Variants in AUTS2 observed in about 807,000 individuals in gnomAD.
The protein encoded by AUTS2 is autism susceptibility gene 2 protein.
A neutral mutation model predicts 112.4 loss-of-function variants in AUTS2; 17 were observed. That is an observed-to-expected ratio of 0.15 (90% CI 0.10 to 0.23). The LOEUF (loss-of-function observed/expected upper bound fraction) is 0.23, where lower values mean the gene tolerates loss of function less well. AUTS2 is among the 10% of genes least tolerant of loss of function. The probability of loss-of-function intolerance (pLI) is 1.00; values close to 1 mark genes in which losing one functional copy is unlikely to be tolerated. For missense variants in AUTS2, 1,510 were observed against 1,701.6 expected (o/e 0.89, Z 1.98); for synonymous variants, 751 against 702.7 (o/e 1.07, Z -1.09).
chr7:70,554,869 T>C (rs543654133), intron 5 of AUTS2, among the ~76,000 whole-genome samples: 51 of 152,332 alleles, frequency 3.3e-4, no homozygotes, highest in African/African-American at 1.2e-3. Flanking sequence ...CATTGGACGG[T>C]TGGCCTCCTG....
intron 1 of AUTS2, among the ~76,000 whole-genome samples, chr7:69,630,403 T>C (rs1051154023): frequency 2.0e-5 from 3 of 152,234 alleles, no homozygotes; most frequent in African/African-American, 7.2e-5. Flanking sequence ...AGTGTAGCTG[T>C]GCTTCTAAGG....
intron 5 of AUTS2, among the ~76,000 whole-genome samples, chr7:70,547,166 C>T (rs145551139): frequency 3.2e-4 from 49 of 152,320 alleles, no homozygotes; most frequent in African/African-American, 1.1e-3. Flanking sequence ...CCCATTACCA[C>T]TCCCAGGTCA....
chr7:69,902,280 C>T (rs907977454), intron 2 of AUTS2, among the ~76,000 whole-genome samples: 1 of 152,074 alleles, frequency 6.6e-6, no homozygotes, highest in Non-Finnish European at 1.5e-5. Flanking sequence ...GAAGAATACT[C>T]GTGATTGCTT....
intron 2 of AUTS2, among the ~76,000 whole-genome samples, chr7:70,084,504 T>C (rs1339330884): frequency 6.6e-6 from 1 of 152,234 alleles, no homozygotes; most frequent in Non-Finnish European, 1.5e-5. Flanking sequence ...ACCAGCAGTG[T>C]GTAAGAGTCC....
chr7:69,773,843 G>A (rs1788778575), intron 1 of AUTS2, among the ~76,000 whole-genome samples: 1 of 152,240 alleles, frequency 6.6e-6, no homozygotes, highest in South Asian at 2.1e-4. Context: ...AATAATGTGA[G>A]TCAGCTCTCC....
chr7:70,215,977 G>A (rs964428112), intron 4 of AUTS2, among the ~76,000 whole-genome samples: 1 of 152,138 alleles, frequency 6.6e-6, no homozygotes, highest in Non-Finnish European at 1.5e-5. Context: ...CAACTCACAG[G>A]TTGGCCCATT....
At chr7:70,711,034 C>A (rs748155553) in intron 6 of AUTS2, among the ~76,000 whole-genome samples, 15 of 152,186 alleles carry the variant, frequency 9.9e-5, no homozygotes, top group Non-Finnish European at 1.6e-4. Context: ...GGGTGACTTG[C>A]CATTTCCCCG....
At chr7:70,523,803 A>T (rs1390395142) in intron 5 of AUTS2, among the ~76,000 whole-genome samples, 1 of 152,200 alleles carries the variant, frequency 6.6e-6, no homozygotes, top group African/African-American at 2.4e-5. Flanking sequence ...AGCAGGAAGG[A>T]GGCTGCACTG....
intron 4 of AUTS2, among the ~76,000 whole-genome samples, chr7:70,180,193 T>C (rs973071350): frequency 8.5e-5 from 13 of 152,196 alleles, no homozygotes; most frequent in African/African-American, 3.1e-4. Context: ...AGTTATCATA[T>C]TGCATTTCTG....
At chr7:70,758,254 T>G (rs750935128) in intron 6 of AUTS2, among the ~76,000 whole-genome samples, 6 of 152,164 alleles carry the variant, frequency 3.9e-5, no homozygotes, top group East Asian at 1.9e-4. Context: ...ATGGTTACAT[T>G]TAGGTGGCTT....
intron 5 of AUTS2, among the ~76,000 whole-genome samples, chr7:70,611,377 C>T (rs1314974619): frequency 6.6e-6 from 1 of 152,194 alleles, no homozygotes; most frequent in Non-Finnish European, 1.5e-5. Flanking sequence ...CAGTTATCAT[C>T]TTGCACCATG....
chr7:70,146,270 A>C (rs1807118142), intron 4 of AUTS2, among the ~76,000 whole-genome samples: 1 of 152,012 alleles, frequency 6.6e-6, no homozygotes, highest in South Asian at 2.1e-4. Flanking sequence ...GTGGGGAAAA[A>C]AAATTCTGCT....
chr7:70,520,388 G>A (rs374752685), intron 5 of AUTS2, among the ~76,000 whole-genome samples: 6 of 152,078 alleles, frequency 3.9e-5, no homozygotes, highest in African/African-American at 1.5e-4. Flanking sequence ...AGCCTCACTG[G>A]CCTCATTTTT....
At chr7:70,077,131 T>A (rs1254882073) in intron 2 of AUTS2, among the ~76,000 whole-genome samples, 1 of 152,158 alleles carries the variant, frequency 6.6e-6, no homozygotes, top group Non-Finnish European at 1.5e-5. Context: ...TTCTAACAAT[T>A]TGAGCTGTCC....
chr7:70,422,091 G>C (rs1176646755), intron 4 of AUTS2, among the ~76,000 whole-genome samples: 1 of 152,008 alleles, frequency 6.6e-6, no homozygotes, highest in African/African-American at 2.4e-5. Context: ...ACCCAATAAA[G>C]GGAAGAAAAA....
chr7:70,728,707 CA>C (rs55878540), intron 6 of AUTS2, among the ~76,000 whole-genome samples: 13,688 of 81,156 alleles, frequency 0.17, 272 homozygotes, highest in East Asian at 0.19. Flanking sequence ...GACTCTGTCT[CA>C]AAAAAAAAAA....
chr7:70,106,732 T>C (rs1283888395), intron 2 of AUTS2, among the ~76,000 whole-genome samples: 1 of 152,162 alleles, frequency 6.6e-6, no homozygotes, highest in African/African-American at 2.4e-5. Flanking sequence ...ACCATCTCCA[T>C]AGAAAGCACC....
intron 4 of AUTS2, among the ~76,000 whole-genome samples, chr7:70,162,975 A>G (rs945496521): frequency 6.6e-5 from 10 of 152,276 alleles, no homozygotes; most frequent in African/African-American, 1.9e-4. Flanking sequence ...TTTGGTTTGT[A>G]ATTACCGCAA....
chr7:70,030,812 G>C (rs1187197276), intron 2 of AUTS2, among the ~76,000 whole-genome samples: 1 of 152,078 alleles, frequency 6.6e-6, no homozygotes, highest in Non-Finnish European at 1.5e-5. Flanking sequence ...GGCTTTCACA[G>C]AAAGACCTAG....
Sources: allele counts gnomAD v4.1 joint callset (sites outside exome capture counted in the v4.1 genomes callset), GRCh38; gene constraint gnomAD v4.1.1; transcripts MANE v1.5; gene names NCBI Gene and HGNC (gene_info 2026-07-23, HGNC 2026-07-21).